The following RBFOX1 variants were observed in gnomAD, a reference collection of about 807,000 sequenced individuals.
RBFOX1 encodes RNA binding protein fox-1 homolog 1.
In RBFOX1, 8 loss-of-function variants were observed where a neutral mutation model predicts 57.7. That is an observed-to-expected ratio of 0.14 (90% confidence interval 0.08 to 0.25). RBFOX1 has a LOEUF of 0.25. Among genes scored for constraint, RBFOX1 ranks in the 10% least tolerant of loss-of-function variants. The probability of loss-of-function intolerance (pLI) is 1.00; values close to 1 mark genes in which losing one functional copy is unlikely to be tolerated. For missense variants in RBFOX1, 611 were observed against 548.5 expected, an observed-to-expected ratio of 1.11 and a Z score of -1.14; for synonymous variants, 326 against 222.4, an observed-to-expected ratio of 1.47 and a Z score of -4.15.
At chr16:6,759,464 G>C (rs1015775534) in intron 3 of RBFOX1, among the ~76,000 whole-genome samples, 1 of 145,692 alleles carries the variant, frequency 6.9e-6, no homozygotes, top group Non-Finnish European at 1.5e-5. Context: ...TTCTTGATAT[G>C]TCAGTTGTCT....
At chr16:5,257,060 A>G (rs2062607715) in intron 1 of RBFOX1, among the ~76,000 whole-genome samples, 6 of 152,212 alleles carry the variant, frequency 3.9e-5, no homozygotes, top group Admixed American at 3.9e-4. Context: ...AAACCAGACC[A>G]GGACTCCAGA....
intron 2 of RBFOX1, among the ~76,000 whole-genome samples, chr16:6,565,451 G>T (rs988587135): frequency 2.0e-5 from 3 of 151,520 alleles, no homozygotes; most frequent in Admixed American, 6.6e-5. Flanking sequence ...TAGAGATGGG[G>T]TTTCACCATG....
chr16:6,553,370 G>C (rs2153883816), intron 2 of RBFOX1, among the ~76,000 whole-genome samples: 1 of 152,292 alleles, frequency 6.6e-6, no homozygotes, highest in East Asian at 1.9e-4. Flanking sequence ...GGAGTGTATA[G>C]GACTATTCAG....
At chr16:6,723,181 T>C (rs1274479747) in intron 3 of RBFOX1, among the ~76,000 whole-genome samples, 5 of 152,214 alleles carry the variant, frequency 3.3e-5, no homozygotes, top group Non-Finnish European at 5.9e-5. Flanking sequence ...GGCAGTGTAA[T>C]ATAGTGGATA....
In RBFOX1 at chr16:7,523,761, A is replaced by G. The variant is rs149852340; in HGVS notation, c.270+5372A>G. 3.9e-3 allele frequency among the ~76,000 whole-genome samples: 595 copies of G among 152,286 alleles called. 5 individuals are homozygous for G. Among genetic ancestry groups the G allele is most frequent in the African/African-American group, 0.013 (560 of 41,552 alleles). On this transcript the variant is annotated intron_variant, in intron 5 of 15. Coordinates refer to ENST00000550418, the MANE Select transcript of RBFOX1 (RefSeq NM_018723.4). Reference sequence around the variant, plus strand: ...GCTGTCTCGTTTTTTGTTACAAACAATTACATCTGTATACTCATCTCTCTT... The same window carrying G: ...GCTGTCTCGTTTTTTGTTACAAACAGTTACATCTGTATACTCATCTCTCTT...
rs762421914 is a variant in RBFOX1 at position 7,567,593 on chromosome 16, CTA to C, written c.271-12174_271-12173del. Among the ~76,000 whole-genome samples the C allele has an allele frequency of 9.3e-4, 86 of 92,890 alleles. 4 individuals are homozygous for C. In the East Asian group the frequency reaches 0.015, roughly 16 times the overall value. The allele number at this position is 92,890 out of a possible 152,430, so 60.9% of individuals were successfully genotyped here. ...TATATATATATCCCTATATATGGCC[CTA>C]TATATATATCCCTTTATATGGCCCT... On this transcript the variant is annotated intron_variant, in intron 5 of 15. Coordinates refer to ENST00000550418, the MANE Select transcript of RBFOX1 (RefSeq NM_018723.4).
intron 3 of RBFOX1, among the ~76,000 whole-genome samples, chr16:6,676,299 G>T (rs927534399): frequency 6.6e-6 from 1 of 152,070 alleles, no homozygotes; most frequent in South Asian, 2.1e-4. Flanking sequence ...GGAGAAAGTG[G>T]ATAGGGAATA....
intron 4 of RBFOX1, among the ~76,000 whole-genome samples, chr16:7,190,326 T>A (rs1012883386): frequency 2.6e-5 from 4 of 152,168 alleles, no homozygotes; most frequent in Non-Finnish European, 4.4e-5. Flanking sequence ...ACCACCGTAC[T>A]CCAGCCTGGG....
At chr16:7,054,463 G>C (rs2051347383) in intron 4 of RBFOX1, among the ~76,000 whole-genome samples, 1 of 145,954 alleles carries the variant, frequency 6.9e-6, no homozygotes, top group African/African-American at 2.5e-5. Flanking sequence ...GGATGGTCTC[G>C]ATCTCCTGAC....
chr16:5,477,792 G>A (rs1178994571), intron 2 of RBFOX1, among the ~76,000 whole-genome samples: 3 of 152,140 alleles, frequency 2.0e-5, no homozygotes, highest in Non-Finnish European at 4.4e-5. Context: ...CTAGAAATTC[G>A]TACTTGCAAA....
At position 7,632,565 on chromosome 16, in the gene RBFOX1, C is replaced by G. The variant is rs553996504; in HGVS notation, c.757+1882C>G. Among the ~76,000 whole-genome samples, 9 of 152,304 alleles carry G rather than the reference C, an allele frequency of 5.9e-5. No individual in the cohort carries two copies. The East Asian group carries it at 1.5e-3, about 26-fold the overall frequency. ...GGAACATTATTCAACCTTCAGCTAC[C>G]TTTCTGAGTCCATTTGACTAAATCT... On this transcript the variant is annotated intron_variant, in intron 11 of 15. Transcript: ENST00000550418.
chr16:5,842,360 C>G (rs550562218), intron 3 of RBFOX1, among the ~76,000 whole-genome samples: 1 of 152,136 alleles, frequency 6.6e-6, no homozygotes, highest in South Asian at 2.1e-4. Flanking sequence ...GAATTTTGTT[C>G]TCTCTGTGGG....
chr16:5,443,799 A>G (rs1567518500), intron 1 of RBFOX1, among the ~76,000 whole-genome samples: 2 of 152,250 alleles, frequency 1.3e-5, no homozygotes, highest in African/African-American at 4.8e-5. Context: ...ATTTGAAAAT[A>G]TGAACAGGAC....
At chr16:6,939,676 T>A (rs895741254) in intron 3 of RBFOX1, among the ~76,000 whole-genome samples, 2 of 151,936 alleles carry the variant, frequency 1.3e-5, no homozygotes, top group African/African-American at 4.8e-5. Context: ...CATACCCAGC[T>A]AATTTTTGTA....
intron 2 of RBFOX1, among the ~76,000 whole-genome samples, chr16:6,529,491 A>G (rs898412412): frequency 1.3e-5 from 2 of 151,992 alleles, no homozygotes; most frequent in African/African-American, 4.8e-5. Flanking sequence ...CCTAGCAGGC[A>G]GAGGTTGCAG....
intron 5 of RBFOX1, among the ~76,000 whole-genome samples, chr16:7,534,850 A>T (rs936173711): frequency 6.6e-6 from 1 of 151,872 alleles, no homozygotes; most frequent in African/African-American, 2.4e-5. Context: ...TTGCCCCGCT[A>T]TGTGTGTGTG....
intron 4 of RBFOX1, among the ~76,000 whole-genome samples, chr16:7,065,998 A>AAC (rs978011627): frequency 3.2e-4 from 47 of 144,688 alleles, no homozygotes; most frequent in African/African-American, 1.3e-3. Context: ...AAATAACAAC[A>AAC]AAAAAAAACT....
chr16:6,348,497 C>G (rs58897986), intron 2 of RBFOX1, among the ~76,000 whole-genome samples: 2,652 of 152,162 alleles, frequency 0.017, 75 homozygotes, highest in African/African-American at 0.059. Flanking sequence ...TGTTCTTGCA[C>G]TGCTATAAGG....
At chr16:7,440,983 G>A (rs1031933017) in intron 4 of RBFOX1, among the ~76,000 whole-genome samples, 1 of 152,076 alleles carries the variant, frequency 6.6e-6, no homozygotes, top group Non-Finnish European at 1.5e-5. Flanking sequence ...TTGACGTTGC[G>A]CTGAGCTAGG....
Sources: allele counts gnomAD v4.1 joint callset (sites outside exome capture counted in the v4.1 genomes callset), GRCh38; gene constraint gnomAD v4.1.1; transcripts MANE v1.5; gene names NCBI Gene and HGNC (gene_info 2026-07-23, HGNC 2026-07-21).